Variants in SYTL2 observed in about 807,000 individuals in gnomAD.
The protein encoded by SYTL2 is synaptotagmin like 2.
SYTL2 carries 165 observed loss-of-function variants against 198.7 expected under a neutral mutation model. The observed-to-expected ratio is 0.83, with a 90% confidence interval of 0.73 to 0.94. SYTL2 has a LOEUF of 0.94. Ranked by LOEUF, SYTL2 falls within the 40% of genes least tolerant of loss-of-function variation. The pLI is 0.00. For synonymous variants in SYTL2, 966 were observed against 917.7 expected (o/e 1.05, Z -0.95); for missense variants, 2,835 against 2,582.8 (o/e 1.10, Z -2.12).
intron 2 of SYTL2, among the ~76,000 whole-genome samples, chr11:85,751,307 G>A (rs1191737207): frequency 6.6e-6 from 1 of 152,058 alleles, no homozygotes; most frequent in East Asian, 1.9e-4. Context: ...GTTTTGTAAA[G>A]ATGTAGATCA....
At chr11:85,833,452 T>C in the SYTL2 span, among the ~76,000 whole-genome samples, 72 of 149,308 alleles carry the variant, frequency 4.8e-4, no homozygotes, top group Non-Finnish European at 1.6e-4. Context: ...ATATATGATA[T>C]GTATATATGT....
intron 1 of SYTL2, among the ~76,000 whole-genome samples, chr11:85,782,525 G>GA (rs968354900): frequency 5.3e-5 from 8 of 152,178 alleles, no homozygotes; most frequent in African/African-American, 1.9e-4. Context: ...TTTCTCTCCA[G>GA]AAAATGGTTT....
chr11:85,754,352 A>G (rs650036), intron 2 of SYTL2, among the ~76,000 whole-genome samples: 101,012 of 152,012 alleles, frequency 0.66, 33,832 homozygotes, highest in Middle Eastern at 0.71. Context: ...CTACTACATT[A>G]AATAATTAAG....
At chr11:85,712,693 T>TACAC (rs1461927082) in intron 12 of SYTL2, among the ~76,000 whole-genome samples, 2 of 146,358 alleles carry the variant, frequency 1.4e-5, no homozygotes, top group Admixed American at 6.9e-5. Flanking sequence ...CGAAAATACA[T>TACAC]ATACACACAC....
At chr11:85,706,533 T>C (rs1005687233) in intron 15 of SYTL2, among the ~76,000 whole-genome samples, 1 of 152,142 alleles carries the variant, frequency 6.6e-6, no homozygotes, top group African/African-American at 2.4e-5. Context: ...AGGAGGCAGT[T>C]AGGGAAATAA....
intron 14 of SYTL2, among the ~76,000 whole-genome samples, chr11:85,707,830 C>G (rs1361609439): frequency 6.6e-6 from 1 of 151,744 alleles, no homozygotes; most frequent in African/African-American, 2.4e-5. Context: ...CACTTCCAGG[C>G]CAGGCACGGT....
intron 17 of SYTL2, among the ~76,000 whole-genome samples, chr11:85,700,089 C>A (rs1206916891): frequency 6.6e-6 from 1 of 151,182 alleles, no homozygotes; most frequent in Non-Finnish European, 1.5e-5. Context: ...AACCTAATGA[C>A]TATAAACTAA....
At chr11:85,817,513 T>A in the SYTL2 span, among the ~76,000 whole-genome samples, 1 of 152,264 alleles carries the variant, frequency 6.6e-6, no homozygotes, top group African/African-American at 2.4e-5. Flanking sequence ...CATCTGTTTA[T>A]TTTTACTTTT....
intron 1 of SYTL2, among the ~76,000 whole-genome samples, chr11:85,796,251 C>T (rs1340114418): frequency 6.6e-6 from 1 of 152,108 alleles, no homozygotes; most frequent in Non-Finnish European, 1.5e-5. Flanking sequence ...TATATGGCAT[C>T]AAATTTCTAC....
intron 3 of SYTL2, among the ~76,000 whole-genome samples, chr11:85,747,188 C>T (rs1303609446): frequency 6.6e-6 from 1 of 151,838 alleles, no homozygotes; most frequent in African/African-American, 2.4e-5. Flanking sequence ...GGCATGGTGG[C>T]TTATGTCTAT....
Position 85,748,649 on chromosome 11 carries a change from C to T in SYTL2, c.102-226G>A, listed in dbSNP as rs1368564853. ...AAATAAAGGTTTAATCCACGATTCCCGTATGATGCCTGAAATTTCTCAAGA... is the reference window on the plus strand; with the variant it reads ...AAATAAAGGTTTAATCCACGATTCCTGTATGATGCCTGAAATTTCTCAAGA... On this transcript the variant is annotated intron_variant, in intron 2 of 19. Coordinates refer to ENST00000359152, the MANE Select transcript of SYTL2 (RefSeq NM_206927.4). Among the ~76,000 whole-genome samples the T allele has an allele frequency of 3.9e-5, 6 of 152,286 alleles. 1 individual carries two copies. In the South Asian group the frequency reaches 1.0e-3, roughly 26 times the overall value.
intron 1 of SYTL2, among the ~76,000 whole-genome samples, chr11:85,774,386 G>A (rs1421211967): frequency 6.6e-6 from 1 of 152,158 alleles, no homozygotes; most frequent in East Asian, 1.9e-4. Flanking sequence ...AAGTAACACA[G>A]TTGGGATTTG....
intron 7 of SYTL2, among the ~76,000 whole-genome samples, chr11:85,731,523 CT>C (rs1302531051): frequency 2.6e-5 from 4 of 152,146 alleles, no homozygotes. Context: ...GGAAAACTGG[CT>C]AGCCATACGC....
chr11:85,818,688 T>TCTATCTATCTATCTAC, the SYTL2 span, among the ~76,000 whole-genome samples: 3,055 of 151,102 alleles, frequency 0.02, 70 homozygotes, highest in African/African-American at 0.043. Context: ...TATCTATCTA[T>TCTATCTATCTATCTAC]CTACCTATCT....
rs1217633145 is a variant in SYTL2, at chr11:85,727,548, A to C, written c.1810T>G (p.Cys604Gly). 2 of 1,536,098 alleles carry C rather than the reference A, an allele frequency of 1.3e-6. No homozygotes were observed. Among genetic ancestry groups the C allele is most frequent in the East Asian group, 4.9e-5 (2 of 40,912 alleles). The change falls in exon 8 of 20, where the codon TGC becomes GGC. Residue 604 changes from cysteine (C) to glycine (G), a missense_variant. Transcript: ENST00000359152. ...AEGDMLVSES[C>G]QDNNVNIKSK... ...TTGATATTCACATTATTATCTTGGC[A>C]ACTTTCAGAAACCAGCATATCTCCC...
the SYTL2 span, among the ~76,000 whole-genome samples, chr11:85,846,734 A>AT: frequency 0.13 from 16,779 of 131,194 alleles, 1,277 homozygotes; most frequent in East Asian, 0.26. Context: ...GGTTGAAACT[A>AT]TTTTTTTTTT....
rs539893259 is a variant in SYTL2 at position 85,796,349 on chromosome 11, T to A, written c.-390+14605A>T. ...CACACCATAGAAACTTAACACGATA[T>A]ATGCTCTGACCAACTCTTATTTTGG... On this transcript the variant is annotated intron_variant, in intron 1 of 19. Transcript: ENST00000359152. 2.6e-5 allele frequency among the ~76,000 whole-genome samples: 4 copies of A among 152,324 alleles called. No individual in the cohort carries two copies. The East Asian group carries it at 7.7e-4, about 29-fold the overall frequency.
At chr11:85,800,240 A>G (rs1207564540) in intron 1 of SYTL2, among the ~76,000 whole-genome samples, 3 of 152,164 alleles carry the variant, frequency 2.0e-5, no homozygotes, top group Non-Finnish European at 4.4e-5. Context: ...GGCACATGAA[A>G]GAGTCCAGGT....
the SYTL2 span, among the ~76,000 whole-genome samples, chr11:85,833,940 A>G: frequency 6.6e-6 from 1 of 151,750 alleles, no homozygotes; most frequent in Non-Finnish European, 1.5e-5. Flanking sequence ...GGTTTCGCCA[A>G]GTTGCCCAGG....
Sources: gnomAD v4.1 joint callset for allele counts (sites outside exome capture counted in the v4.1 genomes callset) on GRCh38, gnomAD v4.1.1 for gene constraint, MANE v1.5 for transcripts, NCBI Gene and HGNC (gene_info 2026-07-23, HGNC 2026-07-21) for gene names.